Variants in ZNF845 observed in about 807,000 individuals in gnomAD.
ZNF845 encodes zinc finger protein 845.
In ZNF845, 59 loss-of-function variants were observed where a neutral mutation model predicts 76.1. That is an observed-to-expected ratio of 0.78 (90% CI 0.63 to 0.96). The LOEUF is 0.96. Among genes scored for constraint, ZNF845 ranks in the 40% least tolerant of loss-of-function variants. The pLI is 0.00. For missense variants in ZNF845, 1,045 were observed against 1,172.8 expected, an observed-to-expected ratio of 0.89 and a Z score of 1.59; for synonymous variants, 361 against 386.9, an observed-to-expected ratio of 0.93 and a Z score of 0.78.
intron 3 of ZNF845, among the ~76,000 whole-genome samples, chr19:53,349,620 G>A (rs2085320180): frequency 6.6e-6 from 1 of 152,036 alleles, no homozygotes; most frequent in Admixed American, 6.5e-5. Context: ...CTGTATAAAT[G>A]TACTTATTAT....
intron 3 of ZNF845, among the ~76,000 whole-genome samples, chr19:53,349,967 G>A (rs942262669): frequency 1.2e-4 from 19 of 152,154 alleles, no homozygotes; most frequent in Admixed American, 1.2e-3. Flanking sequence ...CCCAGCAGGC[G>A]GAGGTTACAG....
intron 2 of ZNF845, among the ~76,000 whole-genome samples, chr19:53,344,771 C>T (rs1056392198): frequency 6.6e-6 from 1 of 151,906 alleles, no homozygotes; most frequent in African/African-American, 2.4e-5. Context: ...GCTGGGATTA[C>T]AGGCATGTGC....
At position 53,354,121 on chromosome 19, in the gene ZNF845, G is replaced by A. The variant is rs943743881; in HGVS notation, c.*533G>A. 2.8e-5 allele frequency: 16 copies of A among 579,242 alleles called. No individual in the cohort carries two copies. Among genetic ancestry groups the A allele is most frequent in the Admixed American group, 1.7e-4 (8 of 47,856 alleles). The allele number at this position is 579,242 out of a possible 1,614,324, so 35.9% of individuals were successfully genotyped here. ...GATTGCAGCAAAGCCTTTACTTCAC[G>A]TTCACACCTAATTAGACATCAGAGA... is the stretch of plus-strand genomic sequence containing the variant. On this transcript the variant is annotated 3_prime_UTR_variant, in exon 4 of 4. Coordinates refer to ENST00000458035, the MANE Select transcript of ZNF845 (RefSeq NM_138374.3).
chr19:53,337,441 G>C (rs891023), intron 1 of ZNF845, among the ~76,000 whole-genome samples: 102,872 of 151,664 alleles, frequency 0.68, 36,342 homozygotes, highest in African/African-American at 0.89. Context: ...AGTGTAGTCT[G>C]GTGACCTTCT....
chr19:53,336,633 C>CTTTCTT (rs1181749089), intron 1 of ZNF845, among the ~76,000 whole-genome samples: 29 of 92,410 alleles, frequency 3.1e-4, no homozygotes, highest in Non-Finnish European at 4.1e-4. Flanking sequence ...TTCTTTCTTT[C>CTTTCTT]TTTTTTTTTT....
At chr19:53,336,073 A>T (rs1225057432) in intron 1 of ZNF845, among the ~76,000 whole-genome samples, 4 of 152,116 alleles carry the variant, frequency 2.6e-5, no homozygotes, top group Admixed American at 2.6e-4. Flanking sequence ...TTAGTTGGGC[A>T]TGGTGGCATG....
chr19:53,335,791 G>A (rs112032895), intron 1 of ZNF845, among the ~76,000 whole-genome samples: 22,401 of 151,828 alleles, frequency 0.15, 1,700 homozygotes, highest in Non-Finnish European at 0.15. Flanking sequence ...TAGTAGAGAC[G>A]GGGTTTCTCC....
intron 3 of ZNF845, 139 bp from the exon 4 acceptor site, chr19:53,350,679 C>A: frequency 8.8e-7 from 1 of 1,135,476 alleles, no homozygotes; most frequent in Non-Finnish European, 1.2e-6. Flanking sequence ...ATGAATCTTA[C>A]CCTTTTGCGT....
intron 1 of ZNF845, 164 bp from the exon 2 acceptor site, chr19:53,341,071 G>T (rs2085253183): frequency 1.4e-6 from 1 of 693,622 alleles, no homozygotes; most frequent in Non-Finnish European, 2.3e-6. Flanking sequence ...GCTTCTTTCT[G>T]TTTTTTCACC....
intron 3 of ZNF845, among the ~76,000 whole-genome samples, chr19:53,346,678 C>T (rs1692346109): frequency 6.6e-6 from 1 of 152,082 alleles, no homozygotes. Context: ...GACACTCTGT[C>T]TCAAAAAAAT....
In ZNF845 at chr19:53,354,831, G is replaced by C. The variant is rs1296121891; in HGVS notation, c.*1243G>C. On this transcript the variant is annotated 3_prime_UTR_variant, in exon 4 of 4. Coordinates refer to ENST00000458035, the MANE Select transcript of ZNF845 (RefSeq NM_138374.3). Reference sequence around the variant, plus strand: ...ATTTTGTATTCTGCAAATACATTGAGTGGGTTTATTAGTATCAGTAAAATC... The same window carrying C: ...ATTTTGTATTCTGCAAATACATTGACTGGGTTTATTAGTATCAGTAAAATC... The C allele has an allele frequency of 6.6e-6, 1 of 151,848 alleles. No homozygotes were observed. Among genetic ancestry groups the C allele is most frequent in the East Asian group, 1.9e-4 (1 of 5,200 alleles). 9.4% of individuals were successfully genotyped at this position (151,848 alleles called of 1,614,324 possible).
At position 53,355,027 on chromosome 19, in the gene ZNF845, C is replaced by T. The variant is rs1318276032; in HGVS notation, c.*1439C>T. 1 of 151,900 alleles carries T rather than the reference C, an allele frequency of 6.6e-6. No individual in the cohort carries two copies. The highest frequency in any genetic ancestry group is 2.4e-5 in the African/African-American group (1 of 41,336). The allele number at this position is 151,900 out of a possible 1,614,324, so 9.4% of individuals were successfully genotyped here. A position where few individuals can be genotyped will look rare whatever the true frequency, so the allele number is the denominator to read the frequency against. On this transcript the variant is annotated 3_prime_UTR_variant, in exon 4 of 4. Coordinates refer to ENST00000458035, the MANE Select transcript of ZNF845 (RefSeq NM_138374.3). Reference sequence around the variant, plus strand: ...CTCTGCCTTTCGGGTTTAAGTGATTCTCCTGCCTACTAACTGAGATTACAG... The same window carrying T: ...CTCTGCCTTTCGGGTTTAAGTGATTTTCCTGCCTACTAACTGAGATTACAG...
intron 1 of ZNF845, among the ~76,000 whole-genome samples, chr19:53,336,453 T>C (rs2085214042): frequency 6.6e-6 from 1 of 152,074 alleles, no homozygotes; most frequent in South Asian, 2.1e-4. Flanking sequence ...GAGGTTGCAG[T>C]GAACCGAAAT....
Position 53,351,541 on chromosome 19 carries a change from A to G in ZNF845, c.866A>G (p.His289Arg). 1 of 1,614,218 alleles carries G rather than the reference A, an allele frequency of 6.2e-7. No individual in the cohort carries two copies. Among genetic ancestry groups the G allele is most frequent in the Non-Finnish European group, 8.5e-7 (1 of 1,180,006 alleles). The change falls in exon 4 of 4, where the codon CAT (histidine) becomes CGT (arginine). Residue 289 changes from histidine to arginine, a missense_variant. His to Arg is a conservative substitution (Grantham distance 29). Coordinates refer to ENST00000458035, the MANE Select transcript of ZNF845 (RefSeq NM_138374.3). The part of the protein sequence containing the change: ...TFSQELTLTC[H>R]HRLHTGEKHY... The stretch of plus-strand genomic sequence containing the variant: ...AGTCAGGAGTTAACCCTTACATGCC[A>G]TCATAGACTTCATACTGGAGAGAAA...
chr19:53,341,345 T>C, intron 2 of ZNF845, 23 bp downstream of exon 2: 3 of 1,613,652 alleles, frequency 1.9e-6, no homozygotes, highest in Non-Finnish European at 2.5e-6. Context: ...GTTGGGTGGA[T>C]TGTTCTGTCT....
chr19:53,343,921 A>T (rs1489461716), intron 2 of ZNF845, among the ~76,000 whole-genome samples: 2 of 151,502 alleles, frequency 1.3e-5, no homozygotes, highest in African/African-American at 4.9e-5. Context: ...TCAGGCTCAA[A>T]CCATCCTTCT....
chr19:53,341,302 T>C lies in ZNF845; in HGVS notation c.-6T>C, dbSNP rs1467086458. 6.2e-7 allele frequency: 1 copy of C among 1,612,634 alleles called. No individual in the cohort carries two copies. Among genetic ancestry groups the C allele is most frequent in the Non-Finnish European group, 8.5e-7 (1 of 1,179,496 alleles). On this transcript the variant is annotated 5_prime_UTR_variant, in exon 2 of 4. Transcript: ENST00000458035. Reference sequence around the variant, plus strand: ...GAAGAGGAAGAGGAAAGCAAAGGAGTCAGGGATGGCTCTTTCTCAGGTGAG... The same window carrying C: ...GAAGAGGAAGAGGAAAGCAAAGGAGCCAGGGATGGCTCTTTCTCAGGTGAG...
intron 1 of ZNF845, 123 bp from the exon 2 acceptor site, chr19:53,341,112 G>A (rs2085253521): frequency 2.1e-6 from 2 of 933,492 alleles, no homozygotes; most frequent in East Asian, 5.3e-5. Flanking sequence ...TATCGTCCCT[G>A]GTACAGTGGG....
Position 53,351,081 on chromosome 19 carries a change from A to G in ZNF845, c.406A>G (p.Ile136Val), listed in dbSNP as rs1194402490. ...HDQRHAGNKP[I>V]KDQLGSSFHS... Reference sequence around the variant, plus strand: ...TCAAAGGCATGCTGGAAACAAGCCTATTAAAGATCAGCTTGGATCAAGCTT... The same window carrying G: ...TCAAAGGCATGCTGGAAACAAGCCTGTTAAAGATCAGCTTGGATCAAGCTT... The change falls in exon 4 of 4, where the codon ATT (isoleucine) becomes GTT (valine). Residue 136 changes from isoleucine to valine, a missense_variant. Ile to Val is a conservative substitution (Grantham distance 29, BLOSUM62 3). Coordinates refer to ENST00000458035, the MANE Select transcript of ZNF845 (RefSeq NM_138374.3). 6.1e-5 allele frequency: 98 copies of G among 1,614,240 alleles called. No homozygotes were observed. The highest frequency in any genetic ancestry group is 7.8e-5 in the Non-Finnish European group (92 of 1,180,044).
Sources: allele counts gnomAD v4.1 joint callset (sites outside exome capture counted in the v4.1 genomes callset), GRCh38; gene constraint gnomAD v4.1.1; transcripts MANE v1.5; gene names NCBI Gene and HGNC (gene_info 2026-07-23, HGNC 2026-07-21).